The following NPFFR2 variants were observed in gnomAD, a reference collection of about 807,000 sequenced individuals.
The protein encoded by NPFFR2 is G-protein coupled receptor 74.
A neutral mutation model predicts 13.1 loss-of-function variants in NPFFR2; 15 were observed. That is an observed-to-expected ratio of 1.15 (90% CI 0.77 to 1.76). The LOEUF (loss-of-function observed/expected upper bound fraction) is 1.76. NPFFR2 is among the 40% of genes most tolerant of loss of function. The pLI, the probability that NPFFR2 is intolerant of heterozygous loss-of-function variation, is 0.00. For missense variants in NPFFR2, 572 were observed against 503.5 expected (o/e 1.14, Z -1.30); for synonymous variants, 190 against 175.7 (o/e 1.08, Z -0.65).
At chr4:72,033,562 C>A (rs1234003512) in intron 1 of NPFFR2, among the ~76,000 whole-genome samples, 1 of 152,128 alleles carries the variant, frequency 6.6e-6, no homozygotes, top group Admixed American at 6.5e-5. Flanking sequence ...TAAGATCTTT[C>A]TACTAGCCAT....
At chr4:72,072,130 T>A (rs770595326) in intron 1 of NPFFR2, among the ~76,000 whole-genome samples, 3 of 152,084 alleles carry the variant, frequency 2.0e-5, no homozygotes, top group Non-Finnish European at 2.9e-5. Context: ...AGCATTGCTG[T>A]ACCATTAGAT....
At chr4:72,141,051 G>A (rs893906031) in intron 3 of NPFFR2, among the ~76,000 whole-genome samples, 1 of 152,046 alleles carries the variant, frequency 6.6e-6, no homozygotes, top group Non-Finnish European at 1.5e-5. Flanking sequence ...TTGCATAGAG[G>A]TGTTTATAGT....
intron 1 of NPFFR2, among the ~76,000 whole-genome samples, chr4:72,041,673 T>A (rs1719223065): frequency 3.3e-5 from 5 of 152,200 alleles, no homozygotes; most frequent in Admixed American, 2.6e-4. Flanking sequence ...CTTTTTAGAC[T>A]TTTTAGTAAT....
At chr4:72,069,002 C>A in intron 1 of NPFFR2, 2 of 1,354,592 alleles carry the variant, frequency 1.5e-6, no homozygotes, top group South Asian at 1.4e-5. Context: ...AAGAGTGAAG[C>A]ATGTAGATCA....
At chr4:72,108,622 G>T (rs1381259336) in intron 1 of NPFFR2, among the ~76,000 whole-genome samples, 1 of 151,866 alleles carries the variant, frequency 6.6e-6, no homozygotes, top group Non-Finnish European at 1.5e-5. Flanking sequence ...TGTATTTCTG[G>T]ATATAAGGTT....
chr4:72,110,952 C>T (rs1215219859), intron 1 of NPFFR2, among the ~76,000 whole-genome samples: 1 of 151,788 alleles, frequency 6.6e-6, no homozygotes, highest in Non-Finnish European at 1.5e-5. Context: ...AAAACAAAAA[C>T]AAAAAACTGC....
At chr4:72,116,233 G>A (rs28575694) in intron 1 of NPFFR2, among the ~76,000 whole-genome samples, 9,919 of 151,906 alleles carry the variant, frequency 0.065, 984 homozygotes, top group African/African-American at 0.22. Context: ...TTGTAGACAT[G>A]TTTATTTCAC....
At chr4:72,059,799 A>C (rs1719868775) in intron 1 of NPFFR2, among the ~76,000 whole-genome samples, 1 of 152,130 alleles carries the variant, frequency 6.6e-6, no homozygotes. Flanking sequence ...TACTGGGTCT[A>C]CTGTGAGACA....
chr4:72,142,078 C>T (rs190827863), intron 3 of NPFFR2, among the ~76,000 whole-genome samples: 59 of 152,198 alleles, frequency 3.9e-4, no homozygotes, highest in Non-Finnish European at 7.2e-4. Context: ...ACTAGGGTTG[C>T]AACCCCTGCC....
Position 72,032,144 on chromosome 4 carries a change from C to T in NPFFR2, c.-64C>T, listed in dbSNP as rs1384448574. The T allele has an allele frequency of 1.2e-6, 2 of 1,613,912 alleles. No homozygotes were observed. Among genetic ancestry groups the T allele is most frequent in the African/African-American group, 2.7e-5 (2 of 74,954 alleles). ...GCCGGAGCAGGGACAGAACCTGTTG[C>T]TGCAGACGGGCTTGGTGGATTCTGG... is the stretch of plus-strand genomic sequence containing the variant. On this transcript the variant is annotated 5_prime_UTR_variant, in exon 1 of 4. Transcript: ENST00000308744.
intron 2 of NPFFR2, among the ~76,000 whole-genome samples, chr4:72,134,138 AC>A (rs1325254889): frequency 6.6e-6 from 1 of 152,104 alleles, no homozygotes; most frequent in East Asian, 1.9e-4. Context: ...GGTGGCGTGC[AC>A]CTGTAATTCC....
Position 72,037,325 on chromosome 4 carries a change from C to G in NPFFR2, c.-8+5125C>G, listed in dbSNP as rs149501471. 8.7e-3 allele frequency among the ~76,000 whole-genome samples: 1,320 copies of G among 151,006 alleles called. 10 individuals are homozygous for G. The highest frequency in any genetic ancestry group is 0.02 in the African/African-American group (806 of 41,150). Reference sequence around the variant, plus strand: ...AGGTTAAGGTGGGAGGATTGCTTGACCCCTGGAGGTTGAGGTTGCAGTGAG... The same window carrying G: ...AGGTTAAGGTGGGAGGATTGCTTGAGCCCTGGAGGTTGAGGTTGCAGTGAG... On this transcript the variant is annotated intron_variant, in intron 1 of 3. Transcript: ENST00000308744.
At chr4:72,067,166 G>A (rs1257435920) in intron 1 of NPFFR2, among the ~76,000 whole-genome samples, 4 of 152,210 alleles carry the variant, frequency 2.6e-5, no homozygotes, top group East Asian at 1.9e-4. Flanking sequence ...GCATCGTGTG[G>A]ATGGATTCTC....
At chr4:72,056,102 G>A (rs1435874839) in intron 1 of NPFFR2, among the ~76,000 whole-genome samples, 2 of 152,036 alleles carry the variant, frequency 1.3e-5, no homozygotes, top group Admixed American at 6.6e-5. Flanking sequence ...GATTTTCAAT[G>A]TGCATGAAAA....
intron 1 of NPFFR2, 24 bp from the exon 2 acceptor site, chr4:72,128,561 C>A (rs766484120): frequency 1.4e-6 from 2 of 1,455,300 alleles, no homozygotes; most frequent in Non-Finnish European, 9.4e-7. Context: ...TTATGTTTTT[C>A]TTTTCTGTCT....
intron 1 of NPFFR2, among the ~76,000 whole-genome samples, chr4:72,067,331 G>A (rs1475706514): frequency 1.3e-5 from 2 of 151,958 alleles, no homozygotes; most frequent in Admixed American, 1.3e-4. Context: ...AAAGCCCTGA[G>A]GCCCCACAGC....
chr4:72,091,076 A>G (rs1436018956), intron 1 of NPFFR2, among the ~76,000 whole-genome samples: 1 of 152,082 alleles, frequency 6.6e-6, no homozygotes, highest in East Asian at 1.9e-4. Flanking sequence ...GTTCTTCTGC[A>G]TCTATTGAGA....
chr4:72,076,179 GT>G (rs33946488), intron 1 of NPFFR2, among the ~76,000 whole-genome samples: 135,373 of 151,406 alleles, frequency 0.89, 61,544 homozygotes, highest in Non-Finnish European at 0.98. Flanking sequence ...ATGTTATGGA[GT>G]TTTTTTTTCC....
chr4:72,128,676 G>C lies in NPFFR2; in HGVS notation c.85G>C (p.Asp29His), dbSNP rs201045074. The part of the protein sequence containing the change: ...VNDTKHHLYS[D>H]INITYVNYYL... Reference sequence around the variant, plus strand: ...TGACACAAAGCATCATCTGTACTCAGATATTAATATTACCTATGTGAACTA... The same window carrying C: ...TGACACAAAGCATCATCTGTACTCACATATTAATATTACCTATGTGAACTA... Residue 29 changes from aspartate to histidine, a missense_variant, in exon 2 of 4, where the codon GAT becomes CAT. Physicochemically the swap from Asp to His is moderately conservative, Grantham distance 81 (BLOSUM62 -1). Transcript: ENST00000308744. 8 of 1,613,800 alleles carry C rather than the reference G, an allele frequency of 5.0e-6. No homozygotes were observed. The African/African-American group carries it at 8.0e-5, about 16-fold the overall frequency.
Sources: gnomAD v4.1 joint callset for allele counts (sites outside exome capture counted in the v4.1 genomes callset) on GRCh38, gnomAD v4.1.1 for gene constraint, MANE v1.5 for transcripts, NCBI Gene and HGNC (gene_info 2026-07-23, HGNC 2026-07-21) for gene names.